Variants in VPS13B observed in about 807,000 individuals in gnomAD.
VPS13B encodes the protein intermembrane lipid transfer protein VPS13B.
In VPS13B, 285 loss-of-function variants were observed where a neutral mutation model predicts 426.4. The ratio of observed to expected loss-of-function variants is 0.67; its 90% CI spans 0.61 to 0.74. VPS13B has a LOEUF of 0.74. VPS13B is among the 30% of genes least tolerant of loss of function. The pLI, the probability that VPS13B is intolerant of heterozygous loss-of-function variation, is 0.00. For synonymous variants in VPS13B, 1,676 were observed against 1,676.4 expected (o/e 1.00, Z 0.01); for missense variants, 4,537 against 4,782.6 (o/e 0.95, Z 1.51).
chr8:99,456,420 T>C (rs1036050561), intron 23 of VPS13B, among the ~76,000 whole-genome samples: 1 of 152,058 alleles, frequency 6.6e-6, no homozygotes, highest in Admixed American at 6.6e-5. Context: ...CTGCCCACCT[T>C]GGCCTCCTCA....
At chr8:99,501,880 TTCCCTCCCTCCCTCTGTCCCTCCC>T (rs1563764127) in intron 26 of VPS13B, 22 bp downstream of exon 26, 1 of 1,605,560 alleles carries the variant, frequency 6.2e-7, no homozygotes, top group Admixed American at 1.7e-5. Flanking sequence ...CTTTTCTTTC[TTCCCTCCCTCCCTCTGTCCCTCCC>T]TCCCTCCCTC....
Position 99,129,569 on chromosome 8 carries a change from TAAAAAAA to T in VPS13B, c.1207-5048_1207-5042del, listed in dbSNP as rs36029878. Among the ~76,000 whole-genome samples the T allele has an allele frequency of 5.1e-5, 4 of 79,130 alleles. No individual in the cohort carries two copies. The South Asian group carries it at 1.2e-3, about 23-fold the overall frequency. 51.9% of individuals were successfully genotyped at this position (79,130 alleles called of 152,430 possible). Reference sequence around the variant, plus strand: ...GTGACCAAGCAAGACTGTGTCTCCTTAAAAAAAAAAAAAAAAAAAAAGTCTGACATTT... The same window carrying T: ...GTGACCAAGCAAGACTGTGTCTCCTTAAAAAAAAAAAAAAGTCTGACATTT... On this transcript the variant is annotated intron_variant, in intron 8 of 61. Transcript: ENST00000357162.
intron 39 of VPS13B, among the ~76,000 whole-genome samples, chr8:99,766,372 C>G (rs1354373433): frequency 6.6e-6 from 1 of 152,218 alleles, no homozygotes; most frequent in Non-Finnish European, 1.5e-5. Context: ...GCACAAGCCA[C>G]CATGCCTGGC....
intron 15 of VPS13B, among the ~76,000 whole-genome samples, chr8:99,158,963 C>A (rs1588097772): frequency 6.6e-6 from 1 of 152,118 alleles, no homozygotes; most frequent in Non-Finnish European, 1.5e-5. Flanking sequence ...TTCTGATAGA[C>A]CTGGGCAAAG....
At chr8:99,757,599 T>C (rs928013341) in intron 39 of VPS13B, among the ~76,000 whole-genome samples, 9 of 152,166 alleles carry the variant, frequency 5.9e-5, no homozygotes, top group African/African-American at 2.2e-4. Flanking sequence ...TACTATTAAG[T>C]AATAAAAACA....
At chr8:99,448,415 A>G (rs1293817952) in intron 23 of VPS13B, among the ~76,000 whole-genome samples, 2 of 152,124 alleles carry the variant, frequency 1.3e-5, no homozygotes, top group Admixed American at 6.6e-5. Flanking sequence ...TTTTGGTCTT[A>G]AAAAACTATA....
At chr8:99,054,379 TCTTTGA>T (rs1461479997) in intron 3 of VPS13B, among the ~76,000 whole-genome samples, 1 of 152,240 alleles carries the variant, frequency 6.6e-6, no homozygotes, top group Non-Finnish European at 1.5e-5. Context: ...GGGTTTGCAA[TCTTTGA>T]CCATTTTAAA....
At chr8:99,761,879 A>G (rs1810949214) in intron 39 of VPS13B, among the ~76,000 whole-genome samples, 1 of 152,144 alleles carries the variant, frequency 6.6e-6, no homozygotes, top group Non-Finnish European at 1.5e-5. Context: ...GGTATGGGAC[A>G]CGTAATGTTT....
At chr8:99,306,775 G>T (rs549978064) in intron 19 of VPS13B, among the ~76,000 whole-genome samples, 47 of 152,168 alleles carry the variant, frequency 3.1e-4, no homozygotes, top group African/African-American at 1.1e-3. Flanking sequence ...TCCCATGGAA[G>T]AGGCATCTCA....
At chr8:99,275,646 A>C (rs1818858502) in intron 19 of VPS13B, among the ~76,000 whole-genome samples, 1 of 152,102 alleles carries the variant, frequency 6.6e-6, no homozygotes, top group Non-Finnish European at 1.5e-5. Context: ...TAGGAATGAA[A>C]AGATTTGATG....
At chr8:99,025,927 T>C (rs1842114240) in intron 2 of VPS13B, among the ~76,000 whole-genome samples, 1 of 152,188 alleles carries the variant, frequency 6.6e-6, no homozygotes, top group Non-Finnish European at 1.5e-5. Context: ...AATAGTTTGC[T>C]GATTTTGTTT....
intron 33 of VPS13B, among the ~76,000 whole-genome samples, chr8:99,614,654 AT>A: frequency 6.6e-6 from 1 of 152,318 alleles, no homozygotes; most frequent in East Asian, 1.9e-4. Flanking sequence ...ATTTCATGGG[AT>A]TTAGGCTTAA....
rs867477589 is a variant in VPS13B at position 99,360,184 on chromosome 8, T to C, written c.2825-24024T>C. Among the ~76,000 whole-genome samples, 22 of 35,220 alleles carry C rather than the reference T, an allele frequency of 6.2e-4. 1 individual carries two copies. Among genetic ancestry groups the C allele is most frequent in the African/African-American group, 1.4e-3 (11 of 8,044 alleles). 23.1% of individuals were successfully genotyped at this position (35,220 alleles called of 152,430 possible). The stretch of plus-strand genomic sequence containing the variant: ...TTTCTTTCTTTCTTTCTTTCTTTCT[T>C]TCTTTCTCTCTCTCTCTCTCTCTCT... On this transcript the variant is annotated intron_variant, in intron 19 of 61. Transcript: ENST00000357162.
intron 40 of VPS13B, among the ~76,000 whole-genome samples, chr8:99,770,227 T>C (rs954644571): frequency 6.6e-6 from 1 of 152,148 alleles, no homozygotes; most frequent in African/African-American, 2.4e-5. Flanking sequence ...GATCATATTA[T>C]GGTTTTTGGG....
chr8:99,374,770 C>T (rs1409699616), intron 19 of VPS13B, among the ~76,000 whole-genome samples: 1 of 152,172 alleles, frequency 6.6e-6, no homozygotes, highest in African/African-American at 2.4e-5. Context: ...ATTAAGTTCA[C>T]TACAGGACCC....
intron 19 of VPS13B, chr8:99,346,194 G>A (rs1048468327): frequency 2.0e-5 from 3 of 152,230 alleles, no homozygotes; most frequent in African/African-American, 7.2e-5. Context: ...CATTTGAGGG[G>A]CTTGACAGGG....
At chr8:99,268,337 G>T (rs1363230787) in intron 17 of VPS13B, among the ~76,000 whole-genome samples, 1 of 152,180 alleles carries the variant, frequency 6.6e-6, no homozygotes, top group African/African-American at 2.4e-5. Context: ...TAGATCCACT[G>T]ATATCTTGCA....
At chr8:99,022,064 A>G (rs1349327116) in intron 2 of VPS13B, among the ~76,000 whole-genome samples, 1 of 151,758 alleles carries the variant, frequency 6.6e-6, no homozygotes, top group Non-Finnish European at 1.5e-5. Flanking sequence ...TCAAAGAACT[A>G]ATTTTTCTTT....
chr8:99,599,682 A>C (rs1465784450), intron 33 of VPS13B, among the ~76,000 whole-genome samples: 1 of 152,136 alleles, frequency 6.6e-6, no homozygotes, highest in African/African-American at 2.4e-5. Context: ...GATTTCAGAC[A>C]TTTTTAGATT....
Sources: allele counts gnomAD v4.1 joint callset (sites outside exome capture counted in the v4.1 genomes callset), GRCh38; gene constraint gnomAD v4.1.1; transcripts MANE v1.5; gene names NCBI Gene and HGNC (gene_info 2026-07-23, HGNC 2026-07-21).